The following NUDT7 variants were observed in gnomAD, a reference collection of about 807,000 sequenced individuals.
NUDT7 encodes the protein peroxisomal coenzyme A diphosphatase NUDT7.
NUDT7 carries 19 observed loss-of-function variants against 13.1 expected under a neutral mutation model. That is an observed-to-expected ratio of 1.45 (90% CI 1.01 to 2.13). NUDT7 has a LOEUF of 2.13. Ranked by LOEUF, NUDT7 falls within the 30% of genes most tolerant of loss-of-function variation. The pLI is 0.00. For missense variants in NUDT7, 360 were observed against 291.7 expected (o/e 1.23, Z -1.71); for synonymous variants, 132 against 109.7 (o/e 1.20, Z -1.27).
intron 3 of NUDT7, among the ~76,000 whole-genome samples, chr16:77,738,286 G>A (rs7198253): frequency 0.018 from 2,715 of 152,216 alleles, 88 homozygotes; most frequent in African/African-American, 0.061. Flanking sequence ...GCATGTGGGT[G>A]GATAGAATTC....
At chr16:77,723,145 C>T (rs1230423120) in intron 1 of NUDT7, among the ~76,000 whole-genome samples, 1 of 152,196 alleles carries the variant, frequency 6.6e-6, no homozygotes, top group Non-Finnish European at 1.5e-5. Flanking sequence ...ATTCCAGCGG[C>T]CAGCCCCTAA....
chr16:77,738,461 A>C (rs574114562), intron 3 of NUDT7, among the ~76,000 whole-genome samples: 1 of 152,198 alleles, frequency 6.6e-6, no homozygotes, highest in Non-Finnish European at 1.5e-5. Flanking sequence ...GGCCCCTGCT[A>C]ATTTTTAAAA....
At chr16:77,728,929 C>G (rs1310192771) in intron 2 of NUDT7, among the ~76,000 whole-genome samples, 1 of 152,192 alleles carries the variant, frequency 6.6e-6, no homozygotes, top group Admixed American at 6.5e-5. Context: ...CATCCCTCCT[C>G]TGTCCCCTCT....
intron 2 of NUDT7, among the ~76,000 whole-genome samples, chr16:77,727,091 C>T (rs376343733): frequency 6.6e-6 from 1 of 152,064 alleles, no homozygotes; most frequent in East Asian, 1.9e-4. Context: ...GAAATCTGCC[C>T]CTGTGATCCA....
At chr16:77,735,653 C>T (rs747155084) in intron 2 of NUDT7, 175 bp from the exon 3 acceptor site, 12 of 665,812 alleles carry the variant, frequency 1.8e-5, no homozygotes, top group Non-Finnish European at 3.2e-5. Flanking sequence ...TTTCAAGGTT[C>T]ATTTCTTAAA....
chr16:77,724,865 A>G (rs1020302584), intron 1 of NUDT7, among the ~76,000 whole-genome samples: 1 of 152,226 alleles, frequency 6.6e-6, no homozygotes, highest in African/African-American at 2.4e-5. Flanking sequence ...AGCGTCAGTA[A>G]CGCTGTCATG....
At chr16:77,732,335 A>AAAAG (rs1233650095) in intron 2 of NUDT7, among the ~76,000 whole-genome samples, 5 of 151,302 alleles carry the variant, frequency 3.3e-5, no homozygotes, top group Admixed American at 6.6e-5. Flanking sequence ...TCAAAAAAAA[A>AAAAG]AAAGAAAAAG....
chr16:77,727,629 C>T (rs1164597761), intron 2 of NUDT7, among the ~76,000 whole-genome samples: 3 of 152,092 alleles, frequency 2.0e-5, no homozygotes, highest in African/African-American at 7.2e-5. Flanking sequence ...CTGAGGTGGG[C>T]GGATCACCTG....
chr16:77,728,068 G>C (rs2014195171), intron 2 of NUDT7, among the ~76,000 whole-genome samples: 1 of 151,888 alleles, frequency 6.6e-6, no homozygotes, highest in Non-Finnish European at 1.5e-5. Flanking sequence ...AACACTATCT[G>C]GCTGTAGGGG....
At chr16:77,733,521 A>G (rs79405379) in intron 2 of NUDT7, among the ~76,000 whole-genome samples, 15,433 of 152,288 alleles carry the variant, frequency 0.1, 880 homozygotes, top group African/African-American at 0.16. Flanking sequence ...ATATGGATTC[A>G]TGGGAGAATA....
intron 2 of NUDT7, 47 bp from the exon 3 acceptor site, chr16:77,735,781 T>G: frequency 6.4e-7 from 1 of 1,556,548 alleles, no homozygotes; most frequent in Non-Finnish European, 8.8e-7. Flanking sequence ...CATAAATAGT[T>G]CCAAAATTAG....
intron 2 of NUDT7, 142 bp downstream of exon 2, chr16:77,725,726 C>A: frequency 1.6e-6 from 1 of 644,710 alleles, no homozygotes. Context: ...CAACCACAAG[C>A]CACAGGATAA....
At chr16:77,722,767 C>T (rs1421668807) in intron 1 of NUDT7, 150 bp downstream of exon 1, 12 of 721,732 alleles carry the variant, frequency 1.7e-5, no homozygotes, top group Non-Finnish European at 2.6e-5. Flanking sequence ...TCGCCTCCAG[C>T]AACCCGCAGG....
Position 77,725,588 on chromosome 16 carries a change from G to C in NUDT7, c.189+4G>C. The C allele has an allele frequency of 1.2e-6, 2 of 1,612,726 alleles. No individual in the cohort carries two copies. Among genetic ancestry groups the C allele is most frequent in the Admixed American group, 1.7e-5 (1 of 59,790 alleles). On this transcript the variant is annotated splice_donor_region_variant and intron_variant, in intron 2 of 3. Transcript: ENST00000268533. ...GTTCACCGTCCGGTCAGAGAAGGTA[G>C]GTGGACAAAAAATTTCCTGCCCTTA...
At chr16:77,726,781 C>G (rs536041043) in intron 2 of NUDT7, among the ~76,000 whole-genome samples, 10 of 151,816 alleles carry the variant, frequency 6.6e-5, no homozygotes, top group African/African-American at 2.4e-4. Context: ...TGAGGAACAG[C>G]GAGACTCCAT....
At chr16:77,725,169 A>G (rs1207350774) in intron 1 of NUDT7, among the ~76,000 whole-genome samples, 1 of 152,254 alleles carries the variant, frequency 6.6e-6, no homozygotes, top group Non-Finnish European at 1.5e-5. Flanking sequence ...GCATTATTGA[A>G]AAAACATTTT....
At chr16:77,727,327 GA>G (rs1487172173) in intron 2 of NUDT7, among the ~76,000 whole-genome samples, 2 of 152,070 alleles carry the variant, frequency 1.3e-5, no homozygotes, top group Non-Finnish European at 2.9e-5. Context: ...GCAGAATAAT[GA>G]AAAGTATTTT....
chr16:77,739,841 GTGAC>G (rs2014603478), intron 3 of NUDT7, among the ~76,000 whole-genome samples: 1 of 152,170 alleles, frequency 6.6e-6, no homozygotes, highest in Non-Finnish European at 1.5e-5. Flanking sequence ...TCCTTAACCA[GTGAC>G]TGACTGGGGC....
rs545413751 is a variant in NUDT7 at position 77,726,721 on chromosome 16, C to G, written c.189+1137C>G. ...CTGAGGCAGGAGAAACACTTGAAACCAGGAGGCGGAGGTTGCAGTGAGCCG... is the reference window on the plus strand; with the variant it reads ...CTGAGGCAGGAGAAACACTTGAAACGAGGAGGCGGAGGTTGCAGTGAGCCG... On this transcript the variant is annotated intron_variant, in intron 2 of 3. Coordinates refer to ENST00000268533, the MANE Select transcript of NUDT7 (RefSeq NM_001105663.3). 2.0e-5 allele frequency among the ~76,000 whole-genome samples: 3 copies of G among 152,220 alleles called. No homozygotes were observed. In the South Asian group the frequency reaches 6.2e-4, roughly 32 times the overall value.
Sources: gnomAD v4.1 joint callset for allele counts (sites outside exome capture counted in the v4.1 genomes callset) on GRCh38, gnomAD v4.1.1 for gene constraint, MANE v1.5 for transcripts, NCBI Gene and HGNC (gene_info 2026-07-23, HGNC 2026-07-21) for gene names.